The following SOWAHA variants were observed in gnomAD, a reference collection of about 807,000 sequenced individuals.
SOWAHA encodes the protein ankyrin repeat domain-containing protein SOWAHA.
In SOWAHA, 17 loss-of-function variants were observed where a neutral mutation model predicts 21.1. That is an observed-to-expected ratio of 0.80 (90% CI 0.55 to 1.21). The LOEUF (loss-of-function observed/expected upper bound fraction) is 1.21. Among genes scored for constraint, SOWAHA ranks in the 50% most tolerant of loss-of-function variants. SOWAHA has a pLI of 0.00. For synonymous variants in SOWAHA, 422 were observed against 397.1 expected (o/e 1.06, Z -0.75); for missense variants, 862 against 816.0 (o/e 1.06, Z -0.69).
rs1758337774 is a variant in SOWAHA at position 132,814,018 on chromosome 5, G to A, written c.397G>A (p.Gly133Arg). Reference sequence around the variant, plus strand: ...GGTGCCGCGGCCAGTGGAGCCGCCAGGGGACCTGGGTCTGCCAACAGAGCC... The same window carrying A: ...GGTGCCGCGGCCAGTGGAGCCGCCAAGGGACCTGGGTCTGCCAACAGAGCC... ...VRVPRPVEPP[G>R]DLGLPTEPQD... The change falls in exon 1 of 1, where the codon GGG (glycine) becomes AGG (arginine). Residue 133 changes from glycine to arginine, a missense_variant. By Grantham distance (125) the Gly-to-Arg change is moderately radical. Coordinates refer to ENST00000378693, the MANE Select transcript of SOWAHA (RefSeq NM_175873.6). The A allele has an allele frequency of 2.6e-6, 4 of 1,545,230 alleles. No homozygotes were observed. In the African/African-American group the frequency reaches 4.1e-5, roughly 16 times the overall value.
In SOWAHA at chr5:132,813,392, G is replaced by A. The variant is rs1331214207; in HGVS notation, c.-230G>A. On this transcript the variant is annotated 5_prime_UTR_variant, in exon 1 of 1. Transcript: ENST00000378693. ...AAACCTACCCCGAAGGCCGGGGCCC[G>A]GCGGGGCGCTGGGGGTGGGCGCTCC... 4.6e-5 allele frequency among the ~76,000 whole-genome samples: 7 copies of A among 151,720 alleles called. No homozygotes were observed. The highest frequency in any genetic ancestry group is 1.5e-4 in the African/African-American group (6 of 41,368).
At position 132,815,209 on chromosome 5, in the gene SOWAHA, T is replaced by C. The variant is rs778542633; in HGVS notation, c.1588T>C (p.Ser530Pro). Residue 530 changes from serine to proline, a missense_variant, in exon 1 of 1, where the codon TCT becomes CCT. Ser to Pro is a moderately conservative substitution (Grantham distance 74, BLOSUM62 -1). Coordinates refer to ENST00000378693, the MANE Select transcript of SOWAHA (RefSeq NM_175873.6). ...TGGTCTGCCAGCCTTCTCAGAAATCTCTCGTCGACCTACTCCGGGGCCTTT... is the reference window on the plus strand; with the variant it reads ...TGGTCTGCCAGCCTTCTCAGAAATCCCTCGTCGACCTACTCCGGGGCCTTT... ...RGGLPAFSEI[S>P]RRPTPGPLAG... 1.4e-5 allele frequency: 23 copies of C among 1,613,694 alleles called. No individual in the cohort carries two copies. Among genetic ancestry groups the C allele is most frequent in the East Asian group, 2.2e-5 (1 of 44,906 alleles).
At position 132,813,672 on chromosome 5, in the gene SOWAHA, G is replaced by A. The variant is rs748634178; in HGVS notation, c.51G>A (p.Ala17=). ...AAAAAAGVSQ[A]AVLGFLQEHG... is the part of the protein sequence containing the mutation. ...CTGCGGCTGCCGGGGTGAGCCAGGC[G>A]GCGGTGCTGGGCTTCCTGCAGGAGC... Residue 17 remains alanine, a synonymous_variant, in exon 1 of 1, where the codon GCG becomes GCA. Coordinates refer to ENST00000378693, the MANE Select transcript of SOWAHA (RefSeq NM_175873.6). 1.4e-6 allele frequency: 2 copies of A among 1,477,846 alleles called. No homozygotes were observed. The highest frequency in any genetic ancestry group is 2.6e-5 in the South Asian group (2 of 75,842). The allele number at this position is 1,477,846 out of a possible 1,614,324, so 91.5% of individuals were successfully genotyped here.
rs1004539209 is a variant in SOWAHA at position 132,814,609 on chromosome 5, C to T, written c.988C>T (p.Leu330=). 3.4e-5 allele frequency: 52 copies of T among 1,516,970 alleles called. No homozygotes were observed. The highest frequency in any genetic ancestry group is 4.3e-5 in the Non-Finnish European group (49 of 1,139,770). The allele number at this position is 1,516,970 out of a possible 1,614,324, so 94.0% of individuals were successfully genotyped here. The change falls in exon 1 of 1, where the codon CTG becomes TTG. Residue 330 remains leucine (L), a synonymous_variant. Coordinates refer to ENST00000378693, the MANE Select transcript of SOWAHA (RefSeq NM_175873.6). ...CCGCTGGACCCACCAGCTGCACGGGCTGCTGCTGCGCGACCGCGGCTTGGC... is the reference window on the plus strand; with the variant it reads ...CCGCTGGACCCACCAGCTGCACGGGTTGCTGCTGCGCGACCGCGGCTTGGC... ...GGRWTHQLHG[L]LLRDRGLAAK...
chr5:132,813,789 C>G lies in SOWAHA; in HGVS notation c.168C>G (p.Asp56Glu). 6.5e-7 allele frequency: 1 copy of G among 1,548,686 alleles called. No homozygotes were observed. The highest frequency in any genetic ancestry group is 8.7e-7 in the Non-Finnish European group (1 of 1,146,090). The change falls in exon 1 of 1, where the codon GAC becomes GAG. Residue 56 changes from aspartate to glutamate, a missense_variant. Physicochemically the swap from Asp to Glu is conservative, Grantham distance 45 (BLOSUM62 2). Coordinates refer to ENST00000378693, the MANE Select transcript of SOWAHA (RefSeq NM_175873.6). ...GDPRGRAARR[D>E]RFKQFVNNVA... ...CGCGGGGCCGCGCCGCCCGCAGGGA[C>G]CGCTTCAAGCAGTTCGTCAACAACG...
In SOWAHA at chr5:132,813,672, G is replaced by T. The variant is rs748634178; in HGVS notation, c.51G>T (p.Ala17=). The T allele has an allele frequency of 1.4e-6, 2 of 1,477,846 alleles. No homozygotes were observed. Among genetic ancestry groups the T allele is most frequent in the South Asian group, 2.6e-5 (2 of 75,842 alleles). 91.5% of individuals were successfully genotyped at this position (1,477,846 alleles called of 1,614,324 possible). Residue 17 remains alanine, a synonymous_variant, in exon 1 of 1, where the codon GCG becomes GCT. Transcript: ENST00000378693. Reference sequence around the variant, plus strand: ...CTGCGGCTGCCGGGGTGAGCCAGGCGGCGGTGCTGGGCTTCCTGCAGGAGC... The same window carrying T: ...CTGCGGCTGCCGGGGTGAGCCAGGCTGCGGTGCTGGGCTTCCTGCAGGAGC... The part of the protein sequence containing the change: ...AAAAAAGVSQ[A]AVLGFLQEHG...
Position 132,813,302 on chromosome 5 carries a change from A to G in SOWAHA, c.-320A>G, listed in dbSNP as rs958889607. 1.3e-5 allele frequency among the ~76,000 whole-genome samples: 2 copies of G among 151,776 alleles called. No homozygotes were observed. The highest frequency in any genetic ancestry group is 4.8e-5 in the African/African-American group (2 of 41,312). ...CCTCTGCATCGCGGGGGCAGCTGTC[A>G]CCTGTAAGGCGAGCGCGGCGCGGGG... On this transcript the variant is annotated 5_prime_UTR_variant, in exon 1 of 1. Coordinates refer to ENST00000378693, the MANE Select transcript of SOWAHA (RefSeq NM_175873.6).
Position 132,814,251 on chromosome 5 carries a change from G to C in SOWAHA, c.630G>C (p.Gly210=), listed in dbSNP as rs2150021820. ...AGCCCGGGCCCGGGGCAGCGAAAGG[G>C]CCGCCGCAGCAGAAGCCCTGTATGC... ...DAEPGPGAAK[G]PPQQKPCMLP... Residue 210 remains glycine, a synonymous_variant, in exon 1 of 1, where the codon GGG becomes GGC. Coordinates refer to ENST00000378693, the MANE Select transcript of SOWAHA (RefSeq NM_175873.6). The C allele has an allele frequency of 5.9e-6, 9 of 1,531,148 alleles. No individual in the cohort carries two copies. Among genetic ancestry groups the C allele is most frequent in the Non-Finnish European group, 7.8e-6 (9 of 1,146,534 alleles). The allele number at this position is 1,531,148 out of a possible 1,614,324, so 94.8% of individuals were successfully genotyped here. A position where few individuals can be genotyped will look rare whatever the true frequency, so the allele number is the denominator to read the frequency against.
At position 132,814,812 on chromosome 5, in the gene SOWAHA, C is replaced by T. The variant is rs746285586; in HGVS notation, c.1191C>T (p.His397=). The T allele has an allele frequency of 9.2e-6, 14 of 1,522,822 alleles. No individual in the cohort carries two copies. The highest frequency in any genetic ancestry group is 1.8e-4 in the Middle Eastern group (1 of 5,486). The allele number at this position is 1,522,822 out of a possible 1,614,324, so 94.3% of individuals were successfully genotyped here. ...TPLHLAALHG[H]EDAAVLLVVR... is the part of the protein sequence containing the mutation. ...TGCACCTGGCTGCACTGCACGGCCA[C>T]GAGGACGCTGCCGTGCTGCTGGTGG... is the stretch of plus-strand genomic sequence containing the variant. Residue 397 remains histidine, a synonymous_variant, in exon 1 of 1, where the codon CAC becomes CAT. Transcript: ENST00000378693.
In SOWAHA at chr5:132,813,598, G is replaced by A; in HGVS notation, c.-24G>A. ...GCGACGCGGCGCCCACCCGCCCCGG[G>A]AGCCAGGAACCCAGGGCCCCACCAT... is the stretch of plus-strand genomic sequence containing the variant. On this transcript the variant is annotated 5_prime_UTR_variant, in exon 1 of 1. Coordinates refer to ENST00000378693, the MANE Select transcript of SOWAHA (RefSeq NM_175873.6). 1.6e-6 allele frequency: 2 copies of A among 1,217,450 alleles called. No individual in the cohort carries two copies. Among genetic ancestry groups the A allele is most frequent in the Non-Finnish European group, 2.0e-6 (2 of 978,542 alleles). The allele number at this position is 1,217,450 out of a possible 1,614,324, so 75.4% of individuals were successfully genotyped here.
At position 132,813,666 on chromosome 5, in the gene SOWAHA, C is replaced by T; in HGVS notation, c.45C>T (p.Ser15=). ...CCGCCGCTGCGGCTGCCGGGGTGAG[C>T]CAGGCGGCGGTGCTGGGCTTCCTGC... ...AAAAAAAAGV[S]QAAVLGFLQE... Residue 15 remains serine (S), a synonymous_variant, in exon 1 of 1, where the codon AGC becomes AGT. Transcript: ENST00000378693. 3.4e-6 allele frequency: 5 copies of T among 1,466,106 alleles called. No homozygotes were observed. In the South Asian group the frequency reaches 5.4e-5, roughly 16 times the overall value. 90.8% of individuals were successfully genotyped at this position (1,466,106 alleles called of 1,614,324 possible).
In SOWAHA at chr5:132,814,436, C is replaced by T. The variant is rs1427543433; in HGVS notation, c.815C>T (p.Pro272Leu). ...EESGLGLGLG[P>L]GRSPHLRRLS... is the part of the protein sequence containing the mutation. ...TCCGGTCTGGGCCTCGGCCTGGGCCCGGGCCGCTCCCCGCACCTGAGGCGC... is the reference window on the plus strand; with the variant it reads ...TCCGGTCTGGGCCTCGGCCTGGGCCTGGGCCGCTCCCCGCACCTGAGGCGC... The change falls in exon 1 of 1, where the codon CCG becomes CTG. Residue 272 changes from proline (P) to leucine (L), a missense_variant. Transcript: ENST00000378693. 3.4e-6 allele frequency: 5 copies of T among 1,470,904 alleles called. No individual in the cohort carries two copies. The African/African-American group carries it at 4.4e-5, about 13-fold the overall frequency. 91.1% of individuals were successfully genotyped at this position (1,470,904 alleles called of 1,614,324 possible).
Position 132,815,296 on chromosome 5 carries a change from T to C in SOWAHA, c.*25T>C. On this transcript the variant is annotated 3_prime_UTR_variant, in exon 1 of 1. Transcript: ENST00000378693. ...AAGGTCCCTGGGGCTACCACCTGGT[T>C]GATCTATCGTGGCCTGCTCGTCGCA... 1 of 1,586,888 alleles carries C rather than the reference T, an allele frequency of 6.3e-7. No homozygotes were observed. Among genetic ancestry groups the C allele is most frequent in the Non-Finnish European group, 8.6e-7 (1 of 1,163,426 alleles).
Position 132,813,758 on chromosome 5 carries a change from G to A in SOWAHA, c.137G>A (p.Gly46Asp). Residue 46 changes from glycine (G) to aspartate (D), a missense_variant, in exon 1 of 1, where the codon GGC becomes GAC. Transcript: ENST00000378693. ...LSRFKPLLDAGDPRGRAARRD... is the reference protein window; with the variant it reads ...LSRFKPLLDADDPRGRAARRD... ...CGCTTCAAGCCGCTGCTCGATGCCG[G>A]CGACCCGCGGGGCCGCGCCGCCCGC... 6.5e-7 allele frequency: 1 copy of A among 1,547,432 alleles called. No individual in the cohort carries two copies. Among genetic ancestry groups the A allele is most frequent in the Non-Finnish European group, 8.7e-7 (1 of 1,145,672 alleles).
In SOWAHA at chr5:132,814,265, AGCCCTGTATGCT is replaced by A. The variant is rs769183980; in HGVS notation, c.648_659del (p.Cys217_Pro220del). 7.9e-6 allele frequency: 12 copies of A among 1,524,602 alleles called. 1 individual carries two copies. In the South Asian group the frequency reaches 1.4e-4, roughly 18 times the overall value. 94.4% of individuals were successfully genotyped at this position (1,524,602 alleles called of 1,614,324 possible). On this transcript the variant is annotated inframe_deletion, in exon 1 of 1. Coordinates refer to ENST00000378693, the MANE Select transcript of SOWAHA (RefSeq NM_175873.6). ...GCAGCGAAAGGGCCGCCGCAGCAGAAGCCCTGTATGCTGCCGGTGCGCTGCGTCCCGGCCCCC... is the reference window on the plus strand; with the variant it reads ...GCAGCGAAAGGGCCGCCGCAGCAGAAGCCGGTGCGCTGCGTCCCGGCCCCC...
Position 132,815,155 on chromosome 5 carries a change from G to T in SOWAHA, c.1534G>T (p.Ala512Ser). The change falls in exon 1 of 1, where the codon GCT (alanine) becomes TCT (serine). Residue 512 changes from alanine to serine, a missense_variant. Transcript: ENST00000378693. ...FSKFLSASPMAPRKKTKIRGG... is the reference protein window; with the variant it reads ...FSKFLSASPMSPRKKTKIRGG... ...CAAGTTCTTGAGCGCCTCGCCCATG[G>T]CTCCACGTAAAAAGACAAAGATCCG... 1.2e-6 allele frequency: 2 copies of T among 1,614,052 alleles called. No homozygotes were observed. Among genetic ancestry groups the T allele is most frequent in the Non-Finnish European group, 8.5e-7 (1 of 1,180,044 alleles).
chr5:132,815,685 T>C lies in SOWAHA; in HGVS notation c.*414T>C, dbSNP rs1758378734. On this transcript the variant is annotated 3_prime_UTR_variant, in exon 1 of 1. Transcript: ENST00000378693. Reference sequence around the variant, plus strand: ...GTTAGGTTGTCAGCTTTAAGATATGTGGTGGTTTTGTAATTTGATGCTTTT... The same window carrying C: ...GTTAGGTTGTCAGCTTTAAGATATGCGGTGGTTTTGTAATTTGATGCTTTT... The C allele has an allele frequency of 5.7e-6, 1 of 174,514 alleles. No individual in the cohort carries two copies. Among genetic ancestry groups the C allele is most frequent in the Admixed American group, 6.4e-5 (1 of 15,560 alleles). The allele number at this position is 174,514 out of a possible 1,614,324, so 10.8% of individuals were successfully genotyped here.
Position 132,814,808 on chromosome 5 carries a change from G to A in SOWAHA, c.1187G>A (p.Gly396Asp). The change falls in exon 1 of 1, where the codon GGC becomes GAC. Residue 396 changes from glycine to aspartate, a missense_variant. Physicochemically the swap from Gly to Asp is moderately conservative, Grantham distance 94 (BLOSUM62 -1). Coordinates refer to ENST00000378693, the MANE Select transcript of SOWAHA (RefSeq NM_175873.6). ...YTPLHLAALH[G>D]HEDAAVLLVV... ...CCGCTGCACCTGGCTGCACTGCACG[G>A]CCACGAGGACGCTGCCGTGCTGCTG... 6.6e-7 allele frequency: 1 copy of A among 1,524,224 alleles called. No individual in the cohort carries two copies. Among genetic ancestry groups the A allele is most frequent in the Non-Finnish European group, 8.8e-7 (1 of 1,137,720 alleles). 94.4% of individuals were successfully genotyped at this position (1,524,224 alleles called of 1,614,324 possible). A position where few individuals can be genotyped will look rare whatever the true frequency, so the allele number is the denominator to read the frequency against.
rs992035367 is a variant in SOWAHA at position 132,814,295 on chromosome 5, C to G, written c.674C>G (p.Pro225Arg). Residue 225 changes from proline (P) to arginine (R), a missense_variant, in exon 1 of 1, where the codon CCG becomes CGG. Physicochemically the swap from Pro to Arg is moderately radical, Grantham distance 103. Coordinates refer to ENST00000378693, the MANE Select transcript of SOWAHA (RefSeq NM_175873.6). ...KPCMLPVRCV[P>R]APATLRLRAE... The stretch of plus-strand genomic sequence containing the variant: ...TGTATGCTGCCGGTGCGCTGCGTCC[C>G]GGCCCCCGCCACGCTCCGCCTCCGG... 5.4e-6 allele frequency: 8 copies of G among 1,494,248 alleles called. No individual in the cohort carries two copies. The highest frequency in any genetic ancestry group is 4.4e-5 in the Admixed American group (2 of 45,648). 92.6% of individuals were successfully genotyped at this position (1,494,248 alleles called of 1,614,324 possible).
Sources: allele counts gnomAD v4.1 joint callset (sites outside exome capture counted in the v4.1 genomes callset), GRCh38; gene constraint gnomAD v4.1.1; transcripts MANE v1.5; gene names NCBI Gene and HGNC (gene_info 2026-07-23, HGNC 2026-07-21).